Variants in TTYH3 observed in about 807,000 individuals in gnomAD.
TTYH3 encodes protein tweety homolog 3.
Under a neutral mutation model 68.2 loss-of-function variants are expected in TTYH3, and 23 were observed. That is an observed-to-expected ratio of 0.34 (90% confidence interval 0.24 to 0.48). The LOEUF (loss-of-function observed/expected upper bound fraction) is 0.48, where lower values mean the gene tolerates loss of function less well. Ranked by LOEUF, TTYH3 falls within the 20% of genes least tolerant of loss-of-function variation. The probability of loss-of-function intolerance (pLI) is 0.99; values close to 1 mark genes in which losing one functional copy is unlikely to be tolerated. For missense variants in TTYH3, 768 were observed against 727.7 expected (o/e 1.06, Z -0.64); for synonymous variants, 360 against 332.8 (o/e 1.08, Z -0.89).
Position 2,649,585 on chromosome 7 carries a change from C to A in TTYH3, c.741C>A (p.Val247=), listed in dbSNP as rs765349110. Residue 247 remains valine, a synonymous_variant, in exon 6 of 14, where the codon GTC becomes GTA. Transcript: ENST00000258796. ...GILVGVCLLG[V]LALVISWGAL... The stretch of plus-strand genomic sequence containing the variant: ...GCCCCAGGGTCTGCCTGCTGGGAGT[C>A]CTGGCCCTGGTCATCAGCTGGGGCG... The A allele has an allele frequency of 1.9e-6, 3 of 1,593,654 alleles. No homozygotes were observed. The highest frequency in any genetic ancestry group is 3.4e-5 in the Admixed American group (2 of 58,470).
rs1786512796 is a variant in TTYH3, at chr7:2,662,037, C to T, written c.*298C>T. On this transcript the variant is annotated 3_prime_UTR_variant, in exon 14 of 14. Transcript: ENST00000258796. Reference sequence around the variant, plus strand: ...CCTCTGCAGATGGTCGCCGCACCTACAAGCCCTGGCCGCACCCAACCTGTG... The same window carrying T: ...CCTCTGCAGATGGTCGCCGCACCTATAAGCCCTGGCCGCACCCAACCTGTG... 1 of 563,108 alleles carries T rather than the reference C, an allele frequency of 1.8e-6. No homozygotes were observed. The highest frequency in any genetic ancestry group is 3.1e-5 in the Admixed American group (1 of 32,192). 34.9% of individuals were successfully genotyped at this position (563,108 alleles called of 1,614,324 possible).
At chr7:2,657,098 C>T (rs573159210) in intron 11 of TTYH3, among the ~76,000 whole-genome samples, 3 of 152,272 alleles carry the variant, frequency 2.0e-5, no homozygotes, top group East Asian at 3.9e-4. Context: ...CCATTCAGTA[C>T]TGGTTTGAGT....
intron 6 of TTYH3, 105 bp from the exon 7 acceptor site, chr7:2,649,808 C>T (rs1786112764): frequency 3.4e-6 from 5 of 1,456,252 alleles, no homozygotes; most frequent in Non-Finnish European, 4.8e-6. Flanking sequence ...TCACAGTCCA[C>T]CCTCCTGAGT....
rs763577430 is a variant in TTYH3 at position 2,648,027 on chromosome 7, T to A, written c.695T>A (p.Ile232Asn). 10 of 1,610,496 alleles carry A rather than the reference T, an allele frequency of 6.2e-6. No individual in the cohort carries two copies. Among genetic ancestry groups the A allele is most frequent in the African/African-American group, 1.3e-5 (1 of 74,904 alleles). The change falls in exon 5 of 14, where the codon ATC becomes AAC. Residue 232 changes from isoleucine to asparagine, a missense_variant. Ile to Asn is a moderately radical substitution (Grantham distance 149). Transcript: ENST00000258796. ...TGCCTCCTGGTGCTGGTTGGCCTCA[T>A]CCGCAGCTCCAAGGGCATCCTGGTG... ...IICLLVLVGL[I>N]RSSKGILVGV...
At chr7:2,640,110 G>A (rs745815129) in intron 1 of TTYH3, among the ~76,000 whole-genome samples, 6 of 152,220 alleles carry the variant, frequency 3.9e-5, no homozygotes, top group Non-Finnish European at 7.3e-5. Context: ...TCCCTGCTCA[G>A]GGCAGACCCG....
intron 10 of TTYH3, 47 bp from the exon 11 acceptor site, chr7:2,656,351 C>T (rs199816771): frequency 1.4e-4 from 219 of 1,592,656 alleles, no homozygotes; most frequent in East Asian, 1.4e-3. Context: ...GCTGCCCCCT[C>T]CACCCTCCCT....
chr7:2,659,131 T>G, intron 13 of TTYH3, 116 bp downstream of exon 13: 4 of 1,031,750 alleles, frequency 3.9e-6, no homozygotes, highest in Non-Finnish European at 1.4e-6. Context: ...TGGGGGCAGC[T>G]GTGAGCTGCC....
Position 2,632,297 on chromosome 7 carries a change from G to C in TTYH3, c.123+19G>C, listed in dbSNP as rs1237876645. On this transcript the variant is annotated intron_variant, in intron 1 of 13. Transcript: ENST00000258796. ...CCAGCAGGTGACATGGGCCTCTCGG[G>C]GTCGCGGGGTCAGGGACCCCAGGTC... 1.9e-6 allele frequency: 3 copies of C among 1,550,666 alleles called. No homozygotes were observed. The Admixed American group carries it at 5.7e-5, about 29-fold the overall frequency.
chr7:2,652,107 C>T (rs1361930817), intron 7 of TTYH3, 80 bp from the exon 8 acceptor site: 36 of 1,233,822 alleles, frequency 2.9e-5, no homozygotes, highest in East Asian at 1.9e-4. Flanking sequence ...TGAAGATATG[C>T]GTGCAGACAC....
intron 4 of TTYH3, 122 bp from the exon 5 acceptor site, chr7:2,647,837 A>G (rs1321229093): frequency 8.2e-7 from 1 of 1,213,474 alleles, no homozygotes; most frequent in Admixed American, 2.0e-5. Flanking sequence ...CATGACCCAG[A>G]CGCTCTGAAT....
rs769571456 is a variant in TTYH3, at chr7:2,652,225, G to A, written c.910G>A (p.Ala304Thr). Reference sequence around the variant, plus strand: ...CTACCTGGCCTGCTCGCCCCGCGCCGCCAACCCCTTCCAGCAGGTGAGAGC... The same window carrying A: ...CTACCTGGCCTGCTCGCCCCGCGCCACCAACCCCTTCCAGCAGGTGAGAGC... ...QYYLACSPRA[A>T]NPFQQKLSGS... Residue 304 changes from alanine (A) to threonine (T), a missense_variant, in exon 8 of 14, where the codon GCC becomes ACC. Coordinates refer to ENST00000258796, the MANE Select transcript of TTYH3 (RefSeq NM_025250.3). 21 of 1,612,472 alleles carry A rather than the reference G, an allele frequency of 1.3e-5. No individual in the cohort carries two copies. The highest frequency in any genetic ancestry group is 4.0e-5 in the African/African-American group (3 of 74,936).
chr7:2,655,975 T>A, intron 9 of TTYH3, 117 bp from the exon 10 acceptor site: 1 of 782,466 alleles, frequency 1.3e-6, no homozygotes, highest in South Asian at 1.8e-5. Context: ...GTGGGGGGTA[T>A]CTCAGTCGAA....
intron 1 of TTYH3, among the ~76,000 whole-genome samples, chr7:2,636,498 C>T (rs184659166): frequency 3.3e-5 from 5 of 152,294 alleles, no homozygotes; most frequent in East Asian, 1.9e-4. Context: ...CAGCGTCCCA[C>T]GGTGCCAGGC....
intron 5 of TTYH3, 114 bp from the exon 6 acceptor site, chr7:2,649,453 A>G: frequency 9.7e-7 from 1 of 1,032,592 alleles, no homozygotes; most frequent in Middle Eastern, 3.0e-4. Flanking sequence ...GCCCCAGCCC[A>G]TGTGTGGGCT....
intron 5 of TTYH3, 41 bp from the exon 6 acceptor site, chr7:2,649,526 A>G: frequency 6.5e-7 from 1 of 1,546,346 alleles, no homozygotes; most frequent in Non-Finnish European, 8.7e-7. Context: ...CACGGCCCCC[A>G]CCCTGGCCTG....
chr7:2,637,195 AC>A (rs1378545064), intron 1 of TTYH3, among the ~76,000 whole-genome samples: 1 of 5,394 alleles, frequency 1.9e-4, no homozygotes, highest in Non-Finnish European at 3.6e-4. Flanking sequence ...TCCTCCCCTG[AC>A]CCCTGGGCAG....
intron 9 of TTYH3, among the ~76,000 whole-genome samples, chr7:2,654,415 T>C (rs117344391): frequency 0.017 from 2,573 of 151,902 alleles, 21 homozygotes; most frequent in Non-Finnish European, 0.026. Flanking sequence ...TCTCTCTGTA[T>C]GTATGTGTAT....
At chr7:2,650,045 A>G in intron 7 of TTYH3, 57 bp downstream of exon 7, 1 of 1,591,436 alleles carries the variant, frequency 6.3e-7, no homozygotes, top group East Asian at 2.2e-5. Flanking sequence ...GGCTGAGCCA[A>G]AAGAGTGGGG....
chr7:2,652,141 C>T, intron 7 of TTYH3, 46 bp from the exon 8 acceptor site: 2 of 1,577,434 alleles, frequency 1.3e-6, no homozygotes, highest in Non-Finnish European at 1.7e-6. Flanking sequence ...CGCAGTCTCA[C>T]AGGGACAGCT....
Sources: gnomAD v4.1 joint callset for allele counts (sites outside exome capture counted in the v4.1 genomes callset) on GRCh38, gnomAD v4.1.1 for gene constraint, MANE v1.5 for transcripts, NCBI Gene and HGNC (gene_info 2026-07-23, HGNC 2026-07-21) for gene names.